Variants in PRPF8 observed in about 807,000 individuals in gnomAD.
The protein encoded by PRPF8 is pre-mRNA processing factor 8.
PRPF8 carries 64 observed loss-of-function variants against 285.9 expected under a neutral mutation model. The observed-to-expected ratio is 0.22, with a 90% CI of 0.18 to 0.28. PRPF8 has a LOEUF of 0.28. Ranked by LOEUF, PRPF8 falls within the 10% of genes least tolerant of loss-of-function variation. PRPF8 has a pLI of 1.00. For missense variants in PRPF8, 1,426 were observed against 3,026.7 expected (o/e 0.47, Z 12.41); for synonymous variants, 1,325 against 1,118.2 (o/e 1.18, Z -3.69).
chr17:1,675,481 C>T lies in PRPF8; in HGVS notation c.2872+139G>A, dbSNP rs1238119056. ...GGATTGCTTTGACTATGGGCTTTTC[C>T]TCAGTTTAACACGAACACTACTTCC... On this transcript the variant is annotated intron_variant, in intron 19 of 42. Coordinates refer to ENST00000304992, the MANE Select transcript of PRPF8 (RefSeq NM_006445.4). This position sits in a 1 kb window ranked among gnomAD's most constrained non-coding sequence, Gnocchi z 6.0. 2.1e-6 allele frequency: 3 copies of T among 1,447,732 alleles called. No homozygotes were observed. The highest frequency in any genetic ancestry group is 2.9e-6 in the Non-Finnish European group (3 of 1,033,694). 89.7% of individuals were successfully genotyped at this position (1,447,732 alleles called of 1,614,324 possible).
chr17:1,665,774 G>A (rs1299494089), intron 24 of PRPF8, among the ~76,000 whole-genome samples: 1 of 149,200 alleles, frequency 6.7e-6, no homozygotes, highest in East Asian at 2.0e-4. Context: ...TGAACTCAGA[G>A]GGCGGAGGTT....
At chr17:1,664,258 C>T (rs968697742) in intron 24 of PRPF8, among the ~76,000 whole-genome samples, 2 of 152,146 alleles carry the variant, frequency 1.3e-5, no homozygotes, top group South Asian at 2.1e-4. Context: ...GTCTCGAACT[C>T]CTGTGCTCAA....
At chr17:1,672,959 G>A in intron 24 of PRPF8, 122 bp downstream of exon 24, 1 of 915,138 alleles carries the variant, frequency 1.1e-6, no homozygotes, top group Non-Finnish European at 1.8e-6. Context: ...ACAGAGCATG[G>A]AAACTGGCAC....
intron 13 of PRPF8, 80 bp from the exon 14 acceptor site, chr17:1,677,774 A>G (rs1366549200): frequency 1.3e-6 from 2 of 1,565,676 alleles, no homozygotes; most frequent in Admixed American, 3.3e-5. Context: ...GAGGTGGGGC[A>G]TATATGTATA....
intron 3 of PRPF8, chr17:1,683,246 C>T (rs1334939103): frequency 2.3e-5 from 10 of 435,380 alleles, no homozygotes; most frequent in South Asian, 2.1e-5. Flanking sequence ...CCACCCGCCT[C>T]GGCCTCCCAA....
Position 1,679,435 on chromosome 17 carries a change from T to C in PRPF8, c.1290-25A>G, listed in dbSNP as rs368342172. The C allele has an allele frequency of 1.4e-4, 227 of 1,612,168 alleles. No homozygotes were observed. Among genetic ancestry groups the C allele is most frequent in the Admixed American group, 1.8e-4 (11 of 59,994 alleles). ...CCTGGAAAAATAAGCCCACCAGAGT[T>C]TGGCCATCTCTTCTTCCAGACACTC... On this transcript the variant is annotated intron_variant, in intron 9 of 42. Transcript: ENST00000304992. This position sits in a 1 kb window ranked among gnomAD's most constrained non-coding sequence, Gnocchi z 4.7.
Position 1,676,328 on chromosome 17 carries a change from T to C in PRPF8, c.2431A>G (p.Thr811Ala). Residue 811 changes from threonine (T) to alanine (A), a missense_variant, in exon 17 of 43, where the codon ACC becomes GCC. Around this residue, in one of 34 missense-constraint regions of PRPF8, gnomAD observed 70 missense variants for 273.7 expected, o/e 0.26. Coordinates refer to ENST00000304992, the MANE Select transcript of PRPF8 (RefSeq NM_006445.4). The surrounding 1 kb of genome is among the most constrained non-coding windows in gnomAD (Gnocchi z 6.3). ...CTTTCCAACCAATGCACTGTGGTGG[T>C]ATATACTGCCACTGCTTCCTCCGCT... is the stretch of plus-strand genomic sequence containing the variant. ...ITAEEAVAVY[T>A]TTVHWLESRR... 2 of 1,614,090 alleles carry C rather than the reference T, an allele frequency of 1.2e-6. No individual in the cohort carries two copies. Among genetic ancestry groups the C allele is most frequent in the Non-Finnish European group, 1.7e-6 (2 of 1,180,020 alleles).
Position 1,681,664 on chromosome 17 carries a change from C to T in PRPF8, c.680G>A (p.Arg227His), listed in dbSNP as rs11559304. The change falls in exon 6 of 43, where the codon CGC (arginine) becomes CAC (histidine). Residue 227 changes from arginine to histidine, a missense_variant. Transcript: ENST00000304992. ...CATCATAGGTAGTGTGAACTGCCAG[C>T]GCTGGTAAGTGGAGCCATTTACATA... The part of the protein sequence containing the change: ...RKYVNGSTYQ[R>H]WQFTLPMMST... The T allele has an allele frequency of 7.4e-6, 12 of 1,613,976 alleles. 1 individual carries two copies. The highest frequency in any genetic ancestry group is 2.2e-5 in the East Asian group (1 of 44,896).
rs773441324 is a variant in PRPF8, at chr17:1,676,192, T to C, written c.2552+15A>G. 8 of 1,613,132 alleles carry C rather than the reference T, an allele frequency of 5.0e-6. No homozygotes were observed. The highest frequency in any genetic ancestry group is 6.8e-6 in the Non-Finnish European group (8 of 1,180,002). ...GTCACCTTCCCAGCAGGAACCTATC[T>C]ACCCTACTACTCACCTATAAGCTTC... is the stretch of plus-strand genomic sequence containing the variant. On this transcript the variant is annotated intron_variant, in intron 17 of 42. Coordinates refer to ENST00000304992, the MANE Select transcript of PRPF8 (RefSeq NM_006445.4). This position sits in a 1 kb window ranked among gnomAD's most constrained non-coding sequence, Gnocchi z 6.3.
chr17:1,663,229 A>G (rs1911772718), intron 24 of PRPF8, among the ~76,000 whole-genome samples: 1 of 152,178 alleles, frequency 6.6e-6, no homozygotes, highest in East Asian at 1.9e-4. Context: ...AAATAAGTGA[A>G]AAGTGGAGAT....
In PRPF8 at chr17:1,674,605, G is replaced by A. The variant is rs1237114898; in HGVS notation, c.3136C>T (p.Leu1046=). ...CCCAATACAAGCAAATCCATCACCA[G>A]GCCATAATACTGCACGATGAATGAG... ...FASFIVQYYG[L]VMDLLVLGLH... The change falls in exon 21 of 43, where the codon CTG becomes TTG. Residue 1046 remains leucine, a synonymous_variant. Transcript: ENST00000304992. The A allele has an allele frequency of 1.2e-6, 2 of 1,614,140 alleles. No homozygotes were observed. Among genetic ancestry groups the A allele is most frequent in the Admixed American group, 1.7e-5 (1 of 60,020 alleles).
intron 24 of PRPF8, among the ~76,000 whole-genome samples, chr17:1,663,509 C>G (rs556610040): frequency 3.9e-5 from 5 of 128,236 alleles, no homozygotes; most frequent in Non-Finnish European, 8.1e-5. Flanking sequence ...GAGTTCGAAA[C>G]CAGCCTGGAC....
At chr17:1,671,768 G>A (rs1162029938) in intron 24 of PRPF8, among the ~76,000 whole-genome samples, 2 of 150,684 alleles carry the variant, frequency 1.3e-5, no homozygotes, top group South Asian at 2.1e-4. Flanking sequence ...GGAGAATGGC[G>A]TGAACCTGGG....
Position 1,675,821 on chromosome 17 carries a change from C to G in PRPF8, c.2680-9G>C, listed in dbSNP as rs886052614. ...ATGAACTCAATGCCCACCTGTGGGA[C>G]AAGGAGGCTGGTTCACACCAATCCA... On this transcript the variant is annotated splice_polypyrimidine_tract_variant and intron_variant, in intron 18 of 42. Transcript: ENST00000304992. This position sits in a 1 kb window ranked among gnomAD's most constrained non-coding sequence, Gnocchi z 6.0. 1 of 1,614,002 alleles carries G rather than the reference C, an allele frequency of 6.2e-7. No homozygotes were observed. The highest frequency in any genetic ancestry group is 1.3e-5 in the African/African-American group (1 of 74,914).
chr17:1,652,356 A>C (rs892677131), intron 39 of PRPF8, among the ~76,000 whole-genome samples: 1 of 152,124 alleles, frequency 6.6e-6, no homozygotes, highest in Non-Finnish European at 1.5e-5. Context: ...CTCCTGCCTC[A>C]GCTTCCTGAG....
intron 8 of PRPF8, 148 bp downstream of exon 8, chr17:1,680,575 ATGC>A: frequency 1.3e-6 from 1 of 757,802 alleles, no homozygotes; most frequent in South Asian, 1.5e-5. Context: ...TTTAAAGCAA[ATGC>A]TGAATTCTCA....
intron 6 of PRPF8, 86 bp downstream of exon 6, chr17:1,681,392 T>G: frequency 3.5e-6 from 5 of 1,413,474 alleles, no homozygotes; most frequent in Non-Finnish European, 5.0e-6. Context: ...AACAGACTAA[T>G]TTGGAAGTTA....
In PRPF8 at chr17:1,676,874, G is replaced by T. The variant is rs1238006406; in HGVS notation, c.2181+102C>A. 1.4e-5 allele frequency: 22 copies of T among 1,519,350 alleles called. No individual in the cohort carries two copies. The highest frequency in any genetic ancestry group is 1.8e-6 in the Non-Finnish European group (2 of 1,104,836). The allele number at this position is 1,519,350 out of a possible 1,614,324, so 94.1% of individuals were successfully genotyped here. A position where few individuals can be genotyped will look rare whatever the true frequency, so the allele number is the denominator to read the frequency against. On this transcript the variant is annotated intron_variant, in intron 15 of 42. Coordinates refer to ENST00000304992, the MANE Select transcript of PRPF8 (RefSeq NM_006445.4). The surrounding 1 kb of genome is among the most constrained non-coding windows in gnomAD (Gnocchi z 6.3). ...TCTTTTCCCTGTCTAAAAGGGAAAA[G>T]AAAAGAGATTGGAGCCAGATAGCCC...
intron 3 of PRPF8, chr17:1,683,185 CG>C: frequency 2.9e-6 from 1 of 343,090 alleles, no homozygotes; most frequent in Non-Finnish European, 5.7e-6. Flanking sequence ...TTAGTAGAGA[CG>C]GGGTTTCACC....
Sources: allele counts gnomAD v4.1 joint callset (sites outside exome capture counted in the v4.1 genomes callset), GRCh38; gene constraint gnomAD v4.1.1; regional missense constraint gnomAD v4.1.1; non-coding constraint Gnocchi (gnomAD v3.1); transcripts MANE v1.5; gene names NCBI Gene and HGNC (gene_info 2026-07-23, HGNC 2026-07-21).